SPAG17: variants seen among roughly 807,000 people sequenced by gnomAD.
SPAG17 encodes the protein sperm associated antigen 17.
Under a neutral mutation model 273.6 loss-of-function variants are expected in SPAG17, and 169 were observed. The observed-to-expected ratio is 0.62, with a 90% CI of 0.55 to 0.70. The LOEUF is 0.70. Among genes scored for constraint, SPAG17 ranks in the 30% least tolerant of loss-of-function variants. SPAG17 has a pLI of 0.00. For synonymous variants in SPAG17, 825 were observed against 873.2 expected, an observed-to-expected ratio of 0.94 and a Z score of 0.97; for missense variants, 2,557 against 2,627.8, an observed-to-expected ratio of 0.97 and a Z score of 0.59.
At chr1:118,175,221 G>A (rs973959689) in intron 1 of SPAG17, among the ~76,000 whole-genome samples, 1 of 151,992 alleles carries the variant, frequency 6.6e-6, no homozygotes, top group African/African-American at 2.4e-5. Flanking sequence ...GTAGAAACGG[G>A]GTTTCACCAT....
chr1:117,962,867 C>T (rs1170337923), intron 48 of SPAG17: 1 of 152,230 alleles, frequency 6.6e-6, no homozygotes, highest in African/African-American at 2.4e-5. Flanking sequence ...TGAGCCTGCT[C>T]AATGCAGCCT....
At chr1:118,109,929 A>G (rs1656660252) in intron 4 of SPAG17, among the ~76,000 whole-genome samples, 1 of 152,176 alleles carries the variant, frequency 6.6e-6, no homozygotes, top group African/African-American at 2.4e-5. Context: ...GTTCTTAAAT[A>G]TCTTCAAGAG....
Position 118,101,749 on chromosome 1 carries a change from G to T in SPAG17, c.625C>A (p.Arg209Ser). 1 of 1,612,832 alleles carries T rather than the reference G, an allele frequency of 6.2e-7. No individual in the cohort carries two copies. The highest frequency in any genetic ancestry group is 8.5e-7 in the Non-Finnish European group (1 of 1,179,704). Reference protein sequence around the residue: ...KRRGEDDHTNRYIDDEPDDGA... With the variant: ...KRRGEDDHTNSYIDDEPDDGA... Reference sequence around the variant, plus strand: ...GCAGCACCTTACTGACCAATGTAACGATTGGTGTGGTCGTCTTCTCCTCTC... The same window carrying T: ...GCAGCACCTTACTGACCAATGTAACTATTGGTGTGGTCGTCTTCTCCTCTC... The change falls in exon 5 of 49, where the codon CGT becomes AGT. Residue 209 changes from arginine to serine, a missense_variant. Transcript: ENST00000336338.
intron 16 of SPAG17, 48 bp from the exon 17 acceptor site, chr1:118,074,015 A>T (rs771719221): frequency 3.6e-6 from 5 of 1,373,950 alleles, no homozygotes; most frequent in African/African-American, 3.0e-5. Context: ...GTTTAAGTCC[A>T]AATGGAGCCC....
At chr1:118,108,034 G>A (rs1656514747) in intron 4 of SPAG17, among the ~76,000 whole-genome samples, 1 of 152,114 alleles carries the variant, frequency 6.6e-6, no homozygotes, top group African/African-American at 2.4e-5. Context: ...AAGTACCTAG[G>A]TCTTCCTGGG....
intron 3 of SPAG17, among the ~76,000 whole-genome samples, chr1:118,128,836 T>C (rs184644766): frequency 6.6e-6 from 1 of 152,312 alleles, no homozygotes; most frequent in Non-Finnish European, 1.5e-5. Context: ...TTTTCAGGCA[T>C]TGCCCTCTCT....
At chr1:118,154,405 T>C (rs1217080963) in intron 1 of SPAG17, among the ~76,000 whole-genome samples, 1 of 152,098 alleles carries the variant, frequency 6.6e-6, no homozygotes, top group East Asian at 1.9e-4. Context: ...ATGCACTCAT[T>C]GTGAGCTGCA....
intron 28 of SPAG17, 70 bp downstream of exon 28, chr1:118,023,234 T>C (rs1477907024): frequency 9.0e-7 from 1 of 1,110,694 alleles, no homozygotes; most frequent in African/African-American, 1.6e-5. Context: ...ATAATAATAA[T>C]ATTGAACACT....
intron 3 of SPAG17, among the ~76,000 whole-genome samples, chr1:118,131,205 G>C (rs1300395547): frequency 6.6e-6 from 1 of 152,154 alleles, no homozygotes; most frequent in East Asian, 1.9e-4. Flanking sequence ...TACATGGACT[G>C]GCCACATCTC....
chr1:117,984,130 G>T (rs1246043278), intron 41 of SPAG17, among the ~76,000 whole-genome samples: 2 of 152,190 alleles, frequency 1.3e-5, no homozygotes, highest in Non-Finnish European at 2.9e-5. Flanking sequence ...TCATAGAAAT[G>T]CAGGGCGTTC....
chr1:118,159,011 T>C (rs538601983), intron 1 of SPAG17, among the ~76,000 whole-genome samples: 1 of 152,336 alleles, frequency 6.6e-6, no homozygotes, highest in Admixed American at 6.5e-5. Flanking sequence ...AAATGTTTCT[T>C]GAACTTAGCA....
intron 3 of SPAG17, among the ~76,000 whole-genome samples, chr1:118,138,320 C>T (rs1400006469): frequency 6.6e-6 from 1 of 152,136 alleles, no homozygotes; most frequent in South Asian, 2.1e-4. Context: ...GTGCCCATTA[C>T]CCAGCAGATA....
At chr1:118,179,356 G>A (rs1660835469) in intron 1 of SPAG17, among the ~76,000 whole-genome samples, 1 of 151,766 alleles carries the variant, frequency 6.6e-6, no homozygotes, top group African/African-American at 2.4e-5. Flanking sequence ...TCAATAAATG[G>A]GAAATAAATG....
At chr1:118,175,509 T>C (rs1439769898) in intron 1 of SPAG17, among the ~76,000 whole-genome samples, 1 of 149,628 alleles carries the variant, frequency 6.7e-6, no homozygotes, top group African/African-American at 2.5e-5. Flanking sequence ...CTAATTCATC[T>C]GGTAACAAAC....
chr1:117,971,700 A>G, intron 45 of SPAG17, 163 bp downstream of exon 45: 1 of 500,804 alleles, frequency 2.0e-6, no homozygotes, highest in Non-Finnish European at 3.4e-6. Flanking sequence ...TTTGTTGATG[A>G]ATGAATGAAT....
At chr1:118,152,757 T>C (rs371807311) in intron 1 of SPAG17, among the ~76,000 whole-genome samples, 14 of 152,334 alleles carry the variant, frequency 9.2e-5, no homozygotes, top group East Asian at 7.7e-4. Flanking sequence ...AGACTGACCA[T>C]TTATTTTTTA....
rs758723747 is a variant in SPAG17, at chr1:118,040,846, A to G, written c.3055-5T>C. ...TCCCATATTGTATCCGTGAAACTAG[A>G]AGAGAAAATATTATGCTTTGAGTGT... On this transcript the variant is annotated splice_region_variant and splice_polypyrimidine_tract_variant and intron_variant, in intron 21 of 48. Coordinates refer to ENST00000336338, the MANE Select transcript of SPAG17 (RefSeq NM_206996.4). The G allele has an allele frequency of 2.0e-6, 3 of 1,518,792 alleles. No individual in the cohort carries two copies. Among genetic ancestry groups the G allele is most frequent in the Non-Finnish European group, 2.7e-6 (3 of 1,092,582 alleles). The allele number at this position is 1,518,792 out of a possible 1,614,324, so 94.1% of individuals were successfully genotyped here.
chr1:118,009,456 G>A lies in SPAG17; in HGVS notation c.4433-1258C>T, dbSNP rs1181466298. Among the ~76,000 whole-genome samples the A allele has an allele frequency of 6.6e-5, 10 of 152,202 alleles. No individual in the cohort carries two copies. The South Asian group carries it at 1.9e-3, about 28-fold the overall frequency. On this transcript the variant is annotated intron_variant, in intron 30 of 48. Coordinates refer to ENST00000336338, the MANE Select transcript of SPAG17 (RefSeq NM_206996.4). ...CATTAAAAATATTTCTTAAATTAAG[G>A]TTCAGAAGAGTGGAAGGCTTTTAGA...
At position 117,993,981 on chromosome 1, in the gene SPAG17, G is replaced by C. The variant is rs575329060; in HGVS notation, c.5178+425C>G. Reference sequence around the variant, plus strand: ...CATATTGTTCTTAGATGGTCAGTTCGTGCATTTTTAATATATGAAGAAAAA... The same window carrying C: ...CATATTGTTCTTAGATGGTCAGTTCCTGCATTTTTAATATATGAAGAAAAA... On this transcript the variant is annotated intron_variant, in intron 35 of 48. Coordinates refer to ENST00000336338, the MANE Select transcript of SPAG17 (RefSeq NM_206996.4). Among the ~76,000 whole-genome samples the C allele has an allele frequency of 2.6e-5, 4 of 152,156 alleles. No individual in the cohort carries two copies. In the South Asian group the frequency reaches 6.2e-4, roughly 24 times the overall value.
Sources: allele counts gnomAD v4.1 joint callset (sites outside exome capture counted in the v4.1 genomes callset), GRCh38; gene constraint gnomAD v4.1.1; transcripts MANE v1.5; gene names NCBI Gene and HGNC (gene_info 2026-07-23, HGNC 2026-07-21).